Variants in PLEKHA5 observed in about 807,000 individuals in gnomAD.
The protein encoded by PLEKHA5 is pleckstrin homology domain containing A5, also known as pleckstrin homology domain-containing family A member 5.
PLEKHA5 carries 55 observed loss-of-function variants against 181.9 expected under a neutral mutation model. The ratio of observed to expected loss-of-function variants is 0.30; its 90% CI spans 0.24 to 0.38. The LOEUF (loss-of-function observed/expected upper bound fraction) is 0.38, where lower values mean the gene tolerates loss of function less well. Among genes scored for constraint, PLEKHA5 ranks in the 10% least tolerant of loss-of-function variants. PLEKHA5 has a pLI of 1.00. For synonymous variants in PLEKHA5, 535 were observed against 529.4 expected, an observed-to-expected ratio of 1.01 and a Z score of -0.15; for missense variants, 1,432 against 1,549.5, an observed-to-expected ratio of 0.92 and a Z score of 1.27.
intron 8 of PLEKHA5, among the ~76,000 whole-genome samples, chr12:19,267,535 C>A (rs1306821688): frequency 6.6e-6 from 1 of 152,048 alleles, no homozygotes; most frequent in Non-Finnish European, 1.5e-5. Flanking sequence ...TGGTGCTTGC[C>A]TATAGTCCTT....
chr12:19,282,060 G>A (rs1019655958), intron 11 of PLEKHA5, among the ~76,000 whole-genome samples: 17 of 152,164 alleles, frequency 1.1e-4, no homozygotes, highest in African/African-American at 4.1e-4. Flanking sequence ...GGGATTACAG[G>A]CGTGAGCCAC....
intron 16 of PLEKHA5, among the ~76,000 whole-genome samples, chr12:19,317,851 A>G (rs913680362): frequency 6.6e-6 from 1 of 151,704 alleles, no homozygotes; most frequent in African/African-American, 2.4e-5. Context: ...TGTAATTACT[A>G]CATAGCCCAT....
chr12:19,369,564 A>C (rs2095525470), intron 30 of PLEKHA5, 129 bp from the exon 31 acceptor site: 1 of 546,542 alleles, frequency 1.8e-6, no homozygotes, highest in Admixed American at 3.6e-5. Context: ...ATCACAATAG[A>C]ACCAAATGTA....
Position 19,283,624 on chromosome 12 carries a change from A to G in PLEKHA5, c.1658A>G (p.His553Arg). Residue 553 changes from histidine (H) to arginine (R), a missense_variant, in exon 12 of 32, where the codon CAC (histidine) becomes CGC (arginine). By Grantham distance (29) the His-to-Arg change is conservative. Around this residue, in one of 2 missense-constraint regions of PLEKHA5, gnomAD observed 1,143 missense variants for 1,168.4 expected, o/e 0.98. Transcript: ENST00000429027. ...TMHSIPTSPS[H>R]GSIAAYQGYS... ...CACTCTATTCCCACATCACCTTCCCACGGGTCAATAGCTGCTTATCAGGGA... is the reference window on the plus strand; with the variant it reads ...CACTCTATTCCCACATCACCTTCCCGCGGGTCAATAGCTGCTTATCAGGGA... 1 of 1,613,944 alleles carries G rather than the reference A, an allele frequency of 6.2e-7. No homozygotes were observed.
intron 22 of PLEKHA5, 56 bp downstream of exon 22, chr12:19,343,490 C>A: frequency 2.1e-6 from 2 of 954,422 alleles, no homozygotes; most frequent in South Asian, 1.4e-5. Flanking sequence ...AGTCATGTGT[C>A]GCTTGGTGAC....
At chr12:19,340,404 G>C (rs1199408885) in intron 21 of PLEKHA5, among the ~76,000 whole-genome samples, 1 of 137,962 alleles carries the variant, frequency 7.2e-6, no homozygotes, top group Non-Finnish European at 1.6e-5. Context: ...CGCCCCGTCC[G>C]GGAGGTGAGG....
chr12:19,365,891 T>A, intron 29 of PLEKHA5, 73 bp from the exon 30 acceptor site: 1 of 1,024,748 alleles, frequency 9.8e-7, no homozygotes. Flanking sequence ...GTGGCATCTT[T>A]TATAACAAAA....
At chr12:19,227,361 T>C (rs1190039977) in intron 3 of PLEKHA5, among the ~76,000 whole-genome samples, 2 of 152,032 alleles carry the variant, frequency 1.3e-5, no homozygotes, top group African/African-American at 2.4e-5. Context: ...ATAATAGTTA[T>C]TCTTGTAGAG....
chr12:19,183,773 G>T (rs1323507218), intron 3 of PLEKHA5, among the ~76,000 whole-genome samples: 1 of 152,108 alleles, frequency 6.6e-6, no homozygotes, highest in African/African-American at 2.4e-5. Context: ...GAGCACAGTG[G>T]CGTGATCTTG....
chr12:19,308,680 A>T (rs1013976638), intron 15 of PLEKHA5, among the ~76,000 whole-genome samples: 4 of 152,162 alleles, frequency 2.6e-5, no homozygotes, highest in African/African-American at 9.7e-5. Flanking sequence ...ATCCTCCAAC[A>T]TGATGGATCT....
intron 23 of PLEKHA5, among the ~76,000 whole-genome samples, chr12:19,346,416 G>T (rs2094336375): frequency 6.6e-6 from 1 of 152,052 alleles, no homozygotes; most frequent in Non-Finnish European, 1.5e-5. Context: ...AAGGCAGGAG[G>T]ATGTCTTGAG....
intron 3 of PLEKHA5, among the ~76,000 whole-genome samples, chr12:19,242,432 G>C (rs998092817): frequency 6.6e-6 from 1 of 151,936 alleles, no homozygotes; most frequent in Non-Finnish European, 1.5e-5. Context: ...GTAGAGACAC[G>C]GTTTCACCAT....
intron 3 of PLEKHA5, among the ~76,000 whole-genome samples, chr12:19,170,866 G>C (rs1011064419): frequency 2.6e-5 from 4 of 152,316 alleles, no homozygotes; most frequent in Middle Eastern, 3.4e-3. Flanking sequence ...AATTACTTGG[G>C]AGGATGACTG....
chr12:19,177,623 A>T (rs892345534), intron 3 of PLEKHA5, among the ~76,000 whole-genome samples: 2 of 152,208 alleles, frequency 1.3e-5, no homozygotes, highest in Non-Finnish European at 2.9e-5. Flanking sequence ...TGCTCAAATG[A>T]TCATAATAAT....
chr12:19,285,033 A>G (rs1252391022), intron 12 of PLEKHA5, among the ~76,000 whole-genome samples: 1 of 152,194 alleles, frequency 6.6e-6, no homozygotes, highest in Non-Finnish European at 1.5e-5. Flanking sequence ...TTACCTAAGC[A>G]TTTGCTTGAT....
chr12:19,201,884 ATAG>A (rs2054283265), intron 3 of PLEKHA5: 1 of 174,162 alleles, frequency 5.7e-6, no homozygotes, highest in African/African-American at 2.4e-5. Flanking sequence ...AGATGTGGTA[ATAG>A]TTGCACAACT....
At chr12:19,175,761 A>G (rs2047043923) in intron 3 of PLEKHA5, among the ~76,000 whole-genome samples, 1 of 152,218 alleles carries the variant, frequency 6.6e-6, no homozygotes, top group South Asian at 2.1e-4. Context: ...AGTAACTGTG[A>G]CTGAAGAAAT....
rs1046134683 is a variant in PLEKHA5 at position 19,375,856 on chromosome 12, G to T, written c.*337G>T. 6.6e-6 allele frequency: 1 copy of T among 152,462 alleles called. No individual in the cohort carries two copies. The highest frequency in any genetic ancestry group is 1.5e-5 in the Non-Finnish European group (1 of 68,004). The allele number at this position is 152,462 out of a possible 1,614,324, so 9.4% of individuals were successfully genotyped here. A position where few individuals can be genotyped will look rare whatever the true frequency, so the allele number is the denominator to read the frequency against. ...ATTTCCAGATTTCGATGTTTCTTAA[G>T]TCTAGGTGAATTTATATATATATTT... On this transcript the variant is annotated 3_prime_UTR_variant, in exon 32 of 32. Coordinates refer to ENST00000429027, the MANE Select transcript of PLEKHA5 (RefSeq NM_001256470.2).
chr12:19,335,897 G>A (rs905769203), intron 20 of PLEKHA5, among the ~76,000 whole-genome samples: 1 of 152,088 alleles, frequency 6.6e-6, no homozygotes, highest in African/African-American at 2.4e-5. Flanking sequence ...CTCCCAAAGT[G>A]CTGAGATTAC....
Sources: gnomAD v4.1 joint callset for allele counts (sites outside exome capture counted in the v4.1 genomes callset) on GRCh38, gnomAD v4.1.1 for gene constraint, gnomAD v4.1.1 regional missense constraint, MANE v1.5 for transcripts, NCBI Gene and HGNC (gene_info 2026-07-23, HGNC 2026-07-21) for gene names.